NBAS: variants seen among roughly 807,000 people sequenced by gnomAD.
NBAS encodes the protein NAG/BC035112 fusion.
A neutral mutation model predicts 302.5 loss-of-function variants in NBAS; 219 were observed. The observed-to-expected ratio is 0.72, with a 90% CI of 0.65 to 0.81. The LOEUF is 0.81. Among genes scored for constraint, NBAS ranks in the 30% least tolerant of loss-of-function variants. The pLI, the probability that NBAS is intolerant of heterozygous loss-of-function variation, is 0.00. For missense variants in NBAS, 2,932 were observed against 2,841.6 expected (o/e 1.03, Z -0.72); for synonymous variants, 1,118 against 1,021.6 (o/e 1.09, Z -1.80).
At chr2:14,942,321 G>A in the NBAS span, among the ~76,000 whole-genome samples, 1 of 152,124 alleles carries the variant, frequency 6.6e-6, no homozygotes, top group Non-Finnish European at 1.5e-5. Flanking sequence ...TTGGATCATG[G>A]GAGTGGATTT....
At chr2:15,507,272 G>A (rs570607372) in intron 10 of NBAS, among the ~76,000 whole-genome samples, 2 of 152,288 alleles carry the variant, frequency 1.3e-5, no homozygotes, top group South Asian at 2.1e-4. Context: ...AGGCACAGCT[G>A]CTGGCAGGGT....
the NBAS span, among the ~76,000 whole-genome samples, chr2:14,915,825 G>A: frequency 8.0e-4 from 122 of 152,240 alleles, no homozygotes; most frequent in African/African-American, 2.8e-3. Context: ...CTCCCAAAGT[G>A]TTGGGATTAC....
the NBAS span, among the ~76,000 whole-genome samples, chr2:15,030,064 C>T: frequency 4.6e-5 from 7 of 152,314 alleles, no homozygotes; most frequent in East Asian, 5.8e-4. Context: ...GTCTCACAGC[C>T]TCCACAGCTC....
intron 25 of NBAS, among the ~76,000 whole-genome samples, chr2:15,407,229 G>T (rs970162436): frequency 2.0e-5 from 3 of 152,152 alleles, no homozygotes; most frequent in African/African-American, 7.2e-5. Flanking sequence ...ATTTTGAATA[G>T]CATAGCTTGA....
At chr2:15,260,076 T>C (rs144184475) in intron 44 of NBAS, among the ~76,000 whole-genome samples, 23 of 152,354 alleles carry the variant, frequency 1.5e-4, no homozygotes, top group South Asian at 1.2e-3. Flanking sequence ...AAATCACATA[T>C]GTTGTATACA....
At chr2:15,448,925 A>C (rs1309310035) in intron 21 of NBAS, among the ~76,000 whole-genome samples, 1 of 152,198 alleles carries the variant, frequency 6.6e-6, no homozygotes, top group Non-Finnish European at 1.5e-5. Flanking sequence ...GGGACTATTT[A>C]CCTCAGGCAA....
chr2:15,366,691 G>A lies in NBAS; in HGVS notation c.3706C>T (p.Arg1236Ter), dbSNP rs767084659. The A allele has an allele frequency of 4.3e-6, 7 of 1,613,482 alleles. No individual in the cohort carries two copies. The highest frequency in any genetic ancestry group is 4.5e-5 in the East Asian group (2 of 44,832). ...AGACTGATCCGATCAGGGCACAATC[G>A]CACTACAAAAGAAAGACGTATTAAA... The part of the protein sequence containing the change: ...FGVKILPLQV[R>*]LCPDRISLIK... Residue 1236 changes from arginine to a stop codon, truncating the protein, a stop_gained and splice_region_variant, in exon 32 of 52, where the codon CGA becomes TGA. Transcript: ENST00000281513. LOFTEE classifies it high-confidence loss of function.
At chr2:15,348,707 A>G (rs1673211450) in intron 35 of NBAS, among the ~76,000 whole-genome samples, 1 of 152,106 alleles carries the variant, frequency 6.6e-6, no homozygotes. Context: ...TTTTAGGAAA[A>G]AAAAAAAAAA....
intron 35 of NBAS, among the ~76,000 whole-genome samples, chr2:15,337,125 T>A (rs1160442356): frequency 6.6e-6 from 1 of 152,106 alleles, no homozygotes; most frequent in Non-Finnish European, 1.5e-5. Flanking sequence ...AATTAAAAAA[T>A]CCATTTAATT....
At chr2:15,399,036 A>G (rs1676014675) in intron 26 of NBAS, among the ~76,000 whole-genome samples, 1 of 152,206 alleles carries the variant, frequency 6.6e-6, no homozygotes, top group African/African-American at 2.4e-5. Flanking sequence ...CTACATAAAA[A>G]AAGTTTTTAA....
At chr2:14,925,199 T>C in the NBAS span, among the ~76,000 whole-genome samples, 1 of 152,230 alleles carries the variant, frequency 6.6e-6, no homozygotes, top group Non-Finnish European at 1.5e-5. Flanking sequence ...ATTATAATTA[T>C]GTACTGATAA....
At chr2:15,339,362 A>C in intron 35 of NBAS, among the ~76,000 whole-genome samples, 1 of 152,164 alleles carries the variant, frequency 6.6e-6, no homozygotes, top group Non-Finnish European at 1.5e-5. Context: ...AGGGAAAATA[A>C]GGCAATTTGC....
the NBAS span, among the ~76,000 whole-genome samples, chr2:14,879,820 TAGAAA>T: frequency 6.6e-6 from 1 of 152,154 alleles, no homozygotes; most frequent in Non-Finnish European, 1.5e-5. Flanking sequence ...ACAGACTTCA[TAGAAA>T]AGAGAGTGCA....
chr2:15,509,036 C>A (rs1354032205), intron 10 of NBAS, among the ~76,000 whole-genome samples: 1 of 152,116 alleles, frequency 6.6e-6, no homozygotes, highest in Non-Finnish European at 1.5e-5. Flanking sequence ...AAACATCTTG[C>A]ATATAAAACT....
rs187112561 is a variant in NBAS, at chr2:15,247,859, G to A, written c.5725-9173C>T. 4.5e-3 allele frequency among the ~76,000 whole-genome samples: 680 copies of A among 152,030 alleles called. 15 individuals are homozygous for A. The highest frequency in any genetic ancestry group is 0.036 in the Admixed American group (548 of 15,244). On this transcript the variant is annotated intron_variant, in intron 44 of 51. Transcript: ENST00000281513. ...TTAGACTCCCACACAATAATAGTGG[G>A]AGACTTTAACACCCCACTGTCAATA...
At chr2:14,870,781 G>GA in the NBAS span, among the ~76,000 whole-genome samples, 13 of 152,054 alleles carry the variant, frequency 8.5e-5, no homozygotes, top group Admixed American at 8.5e-4. Context: ...ATAGCAGGCA[G>GA]AAAAAATCAA....
chr2:15,506,096 G>C (rs528594257), intron 10 of NBAS, among the ~76,000 whole-genome samples: 2 of 152,024 alleles, frequency 1.3e-5, no homozygotes, highest in African/African-American at 4.8e-5. Flanking sequence ...TGAGATAAAA[G>C]GGAGAGGTAA....
chr2:15,472,633 T>C (rs1177897358), intron 16 of NBAS, among the ~76,000 whole-genome samples: 1 of 152,096 alleles, frequency 6.6e-6, no homozygotes, highest in African/African-American at 2.4e-5. Flanking sequence ...TCTCCCTGAC[T>C]GCCAACCTTG....
At chr2:15,099,009 C>G in the NBAS span, among the ~76,000 whole-genome samples, 1 of 151,670 alleles carries the variant, frequency 6.6e-6, no homozygotes, top group Non-Finnish European at 1.5e-5. Context: ...ACACATATAT[C>G]TATATCAAGA....
Sources: gnomAD v4.1 joint callset for allele counts (sites outside exome capture counted in the v4.1 genomes callset) on GRCh38, gnomAD v4.1.1 for gene constraint, MANE v1.5 for transcripts, NCBI Gene and HGNC (gene_info 2026-07-23, HGNC 2026-07-21) for gene names.